The following USP34 variants were observed in gnomAD, a reference collection of about 807,000 sequenced individuals.
USP34 encodes ubiquitin carboxyl-terminal hydrolase 34.
Under a neutral mutation model 460.3 loss-of-function variants are expected in USP34, and 70 were observed. The ratio of observed to expected loss-of-function variants is 0.15; its 90% CI spans 0.13 to 0.19. The LOEUF (loss-of-function observed/expected upper bound fraction) is 0.19, where lower values mean the gene tolerates loss of function less well. Among genes scored for constraint, USP34 ranks in the 10% least tolerant of loss-of-function variants. The probability of loss-of-function intolerance (pLI) is 1.00; values close to 1 mark genes in which losing one functional copy is unlikely to be tolerated. For missense variants in USP34, 3,985 were observed against 4,236.2 expected (o/e 0.94, Z 1.65); for synonymous variants, 1,647 against 1,405.3 (o/e 1.17, Z -3.85).
intron 3 of USP34, 111 bp from the exon 4 acceptor site, chr2:61,395,344 C>T: frequency 1.4e-6 from 1 of 712,610 alleles, no homozygotes; most frequent in Non-Finnish European, 2.3e-6. Flanking sequence ...GATTATTTTG[C>T]AATTACTCCT....
intron 35 of USP34, 140 bp downstream of exon 35, chr2:61,284,735 A>T (rs1449207317): frequency 3.3e-6 from 2 of 600,906 alleles, no homozygotes; most frequent in Non-Finnish European, 5.7e-6. Flanking sequence ...TAATACGTAA[A>T]TTTGGATGGA....
chr2:61,395,116 CAT>C, intron 4 of USP34, 65 bp downstream of exon 4: 1 of 1,438,908 alleles, frequency 6.9e-7, no homozygotes, highest in South Asian at 1.3e-5. Context: ...AATAATAAAA[CAT>C]ATGGATGAGG....
At chr2:61,213,928 C>A in intron 68 of USP34, 132 bp downstream of exon 68, 1 of 1,101,064 alleles carries the variant, frequency 9.1e-7, no homozygotes, top group Non-Finnish European at 1.3e-6. Flanking sequence ...TTTAAGAAAA[C>A]AAATACACAT....
chr2:61,338,579 A>G (rs764578457), intron 18 of USP34, among the ~76,000 whole-genome samples: 5 of 152,244 alleles, frequency 3.3e-5, no homozygotes, highest in Non-Finnish European at 7.3e-5. Context: ...AGAAAACAAT[A>G]TATTAATAAC....
At chr2:61,374,575 C>A (rs1020249988) in intron 8 of USP34, among the ~76,000 whole-genome samples, 1 of 151,968 alleles carries the variant, frequency 6.6e-6, no homozygotes, top group Non-Finnish European at 1.5e-5. Context: ...ATGACCAAAT[C>A]TGCACACACT....
chr2:61,451,821 C>A (rs1470198667), intron 1 of USP34, among the ~76,000 whole-genome samples: 2 of 151,966 alleles, frequency 1.3e-5, no homozygotes, highest in Non-Finnish European at 2.9e-5. Context: ...ATACTTGATA[C>A]CAAAATAAAT....
At chr2:61,328,923 T>C (rs1451366762) in intron 20 of USP34, among the ~76,000 whole-genome samples, 1 of 152,254 alleles carries the variant, frequency 6.6e-6, no homozygotes, top group Non-Finnish European at 1.5e-5. Flanking sequence ...TATAACCTAG[T>C]GTTTATTTCT....
intron 1 of USP34, among the ~76,000 whole-genome samples, chr2:61,434,557 G>T (rs972608858): frequency 6.6e-6 from 1 of 152,134 alleles, no homozygotes; most frequent in African/African-American, 2.4e-5. Flanking sequence ...TTGAGAAACA[G>T]CCCAATGAGC....
intron 15 of USP34, among the ~76,000 whole-genome samples, chr2:61,345,962 C>T (rs1399560801): frequency 6.6e-6 from 1 of 152,036 alleles, no homozygotes; most frequent in Non-Finnish European, 1.5e-5. Context: ...TTATTTTGCC[C>T]ATCATAATAC....
At chr2:61,289,550 A>C (rs1689786450) in intron 33 of USP34, among the ~76,000 whole-genome samples, 1 of 152,084 alleles carries the variant, frequency 6.6e-6, no homozygotes, top group South Asian at 2.1e-4. Flanking sequence ...TTTCTTCAAA[A>C]GTTCTTAACC....
intron 1 of USP34, among the ~76,000 whole-genome samples, chr2:61,448,384 C>T (rs569631749): frequency 1.3e-5 from 2 of 152,140 alleles, no homozygotes; most frequent in Non-Finnish European, 1.5e-5. Context: ...CTGAGGGGTT[C>T]AAGTCTGTAG....
At chr2:61,191,779 TC>T (rs1686651381) in intron 76 of USP34, among the ~76,000 whole-genome samples, 1 of 151,794 alleles carries the variant, frequency 6.6e-6, no homozygotes, top group Admixed American at 6.6e-5. Context: ...ACTACCCAAA[TC>T]AGGAAGAATG....
intron 22 of USP34, 85 bp downstream of exon 22, chr2:61,319,082 CAAAAAA>C (rs35281857): frequency 9.0e-6 from 9 of 1,000,452 alleles, no homozygotes; most frequent in Non-Finnish European, 1.1e-5. Flanking sequence ...AAAAAACTGT[CAAAAAA>C]AAAAAGGCAT....
intron 1 of USP34, among the ~76,000 whole-genome samples, chr2:61,442,502 G>GA (rs1488032838): frequency 6.6e-6 from 1 of 150,906 alleles, no homozygotes; most frequent in Non-Finnish European, 1.5e-5. Context: ...ACAAATATGT[G>GA]AAAAAAATGT....
chr2:61,417,179 A>G lies in USP34; in HGVS notation c.131+3567T>C, dbSNP rs888887538. 5 of 1,576,724 alleles carry G rather than the reference A, an allele frequency of 3.2e-6. No individual in the cohort carries two copies. In the African/African-American group the frequency reaches 6.7e-5, roughly 21 times the overall value. The stretch of plus-strand genomic sequence containing the variant: ...CCCTGGGGCTTTCCAAAGGCACCTC[A>G]CATGCCTGTTTGGACCCTACACTGG... On this transcript the variant is annotated intron_variant, in intron 2 of 79. Coordinates refer to ENST00000398571, the MANE Select transcript of USP34 (RefSeq NM_014709.4).
At chr2:61,222,992 C>G (rs537673545) in intron 64 of USP34, 68 bp downstream of exon 64, 6 of 1,382,482 alleles carry the variant, frequency 4.3e-6, no homozygotes, top group African/African-American at 1.4e-5. Flanking sequence ...CCACCGCACT[C>G]GGCCAGATTT....
intron 37 of USP34, 54 bp downstream of exon 37, chr2:61,283,091 A>G (rs1349523698): frequency 8.2e-6 from 13 of 1,576,466 alleles, no homozygotes; most frequent in Non-Finnish European, 1.1e-5. Context: ...ATCAATGCTA[A>G]TAACATGAAA....
chr2:61,296,984 T>A, intron 29 of USP34, 59 bp from the exon 30 acceptor site: 6 of 1,515,488 alleles, frequency 4.0e-6, no homozygotes, highest in Non-Finnish European at 4.4e-6. Flanking sequence ...AAGTTTTAAG[T>A]TCAAATTTTT....
chr2:61,192,504 T>A (rs1158778487), intron 76 of USP34, among the ~76,000 whole-genome samples: 1 of 152,206 alleles, frequency 6.6e-6, no homozygotes, highest in Non-Finnish European at 1.5e-5. Flanking sequence ...GACAGACTGC[T>A]GACAGGGTTT....
Sources: allele counts gnomAD v4.1 joint callset (sites outside exome capture counted in the v4.1 genomes callset), GRCh38; gene constraint gnomAD v4.1.1; transcripts MANE v1.5; gene names NCBI Gene and HGNC (gene_info 2026-07-23, HGNC 2026-07-21).